The following RREB1 variants were observed in gnomAD, a reference collection of about 807,000 sequenced individuals.
RREB1 encodes ras-responsive element-binding protein 1.
A neutral mutation model predicts 117.8 loss-of-function variants in RREB1; 27 were observed. The observed-to-expected ratio is 0.23, with a 90% CI of 0.17 to 0.32. The LOEUF (loss-of-function observed/expected upper bound fraction) is 0.32. Among genes scored for constraint, RREB1 ranks in the 10% least tolerant of loss-of-function variants. The probability of loss-of-function intolerance (pLI) is 1.00; values close to 1 mark genes in which losing one functional copy is unlikely to be tolerated. For synonymous variants in RREB1, 1,298 were observed against 1,026.7 expected (o/e 1.26, Z -5.05); for missense variants, 2,577 against 2,378.2 (o/e 1.08, Z -1.74).
chr6:7,161,370 C>G (rs1319714461), intron 1 of RREB1, among the ~76,000 whole-genome samples: 5 of 152,162 alleles, frequency 3.3e-5, no homozygotes, highest in African/African-American at 1.2e-4. Context: ...CCCAGATCAC[C>G]TTTATTCCTG....
At chr6:7,133,868 A>T (rs1254560485) in intron 1 of RREB1, among the ~76,000 whole-genome samples, 1 of 152,208 alleles carries the variant, frequency 6.6e-6, no homozygotes, top group African/African-American at 2.4e-5. Flanking sequence ...TTCTATGGAT[A>T]TATACACATA....
chr6:7,147,359 A>T (rs762538354), intron 1 of RREB1, among the ~76,000 whole-genome samples: 26 of 152,228 alleles, frequency 1.7e-4, no homozygotes, highest in African/African-American at 5.5e-4. Flanking sequence ...GTGGTTCAGA[A>T]AAGAGGTCTT....
intron 10 of RREB1, among the ~76,000 whole-genome samples, chr6:7,234,579 A>G (rs1306515963): frequency 6.6e-6 from 1 of 152,200 alleles, no homozygotes; most frequent in Non-Finnish European, 1.5e-5. Context: ...GGTTTGTTTA[A>G]GTTAGGATGG....
Position 7,248,964 on chromosome 6 carries a change from A to G in RREB1, c.5225A>G (p.Glu1742Gly). 1 of 1,477,620 alleles carries G rather than the reference A, an allele frequency of 6.8e-7. No individual in the cohort carries two copies. Among genetic ancestry groups the G allele is most frequent in the Non-Finnish European group, 8.9e-7 (1 of 1,118,242 alleles). 91.5% of individuals were successfully genotyped at this position (1,477,620 alleles called of 1,614,324 possible). ...GGCGCCTCCCAGCTCGTGGGGATGG[A>G]GTGACAGCCTCAGTCCCCCTCAGCA... ...ADGASQLVGM[E>G] Residue 1742 changes from glutamate (E) to glycine (G), a missense_variant, in exon 13 of 13, where the codon GAG (glutamate) becomes GGG (glycine). Coordinates refer to ENST00000379938, the MANE Select transcript of RREB1 (RefSeq NM_001003699.4).
At chr6:7,188,972 C>G (rs1765252056) in intron 5 of RREB1, among the ~76,000 whole-genome samples, 187 bp from the exon 6 acceptor site, 1 of 152,140 alleles carries the variant, frequency 6.6e-6, no homozygotes, top group African/African-American at 2.4e-5. Context: ...GAATATCATA[C>G]AAAATATTTA....
chr6:7,121,459 A>G (rs1381052895), intron 1 of RREB1, among the ~76,000 whole-genome samples: 2 of 152,164 alleles, frequency 1.3e-5, no homozygotes, highest in East Asian at 3.8e-4. Flanking sequence ...AACCACATAA[A>G]GTACCTCAGT....
chr6:7,195,856 T>A (rs1336425171), intron 6 of RREB1, among the ~76,000 whole-genome samples: 4 of 152,250 alleles, frequency 2.6e-5, no homozygotes, highest in Non-Finnish European at 4.4e-5. Context: ...GCCAGTTTCA[T>A]CTGACATGGC....
At chr6:7,224,608 G>A (rs1313524915) in intron 8 of RREB1, among the ~76,000 whole-genome samples, 1 of 152,168 alleles carries the variant, frequency 6.6e-6, no homozygotes, top group African/African-American at 2.4e-5. Context: ...TGTGTGCACA[G>A]CTCAGAGCTT....
chr6:7,248,060 C>G (rs957221391), intron 12 of RREB1, among the ~76,000 whole-genome samples: 1 of 152,212 alleles, frequency 6.6e-6, no homozygotes, highest in East Asian at 1.9e-4. Flanking sequence ...TGCCCTGGGC[C>G]TGGCGTGTGA....
At chr6:7,188,507 G>A (rs1765225054) in intron 5 of RREB1, among the ~76,000 whole-genome samples, 1 of 151,946 alleles carries the variant, frequency 6.6e-6, no homozygotes, top group African/African-American at 2.4e-5. Flanking sequence ...CTCAGCTTGG[G>A]GTCTTTTTTT....
At chr6:7,162,128 G>A (rs1270351474) in intron 1 of RREB1, among the ~76,000 whole-genome samples, 1 of 151,928 alleles carries the variant, frequency 6.6e-6, no homozygotes, top group South Asian at 2.1e-4. Context: ...AGCTCCCAGG[G>A]GTTTTGTTTT....
In RREB1 at chr6:7,249,018, T is replaced by A. The variant is rs199624682; in HGVS notation, c.*50T>A. Reference sequence around the variant, plus strand: ...ACAAAAGCCAGCAGAGCAAAGCGTCTATACTTCATGGGGTTTCCTCAGTGC... The same window carrying A: ...ACAAAAGCCAGCAGAGCAAAGCGTCAATACTTCATGGGGTTTCCTCAGTGC... On this transcript the variant is annotated 3_prime_UTR_variant, in exon 13 of 13. Transcript: ENST00000379938. 38 of 1,391,480 alleles carry A rather than the reference T, an allele frequency of 2.7e-5. No individual in the cohort carries two copies. In the East Asian group the frequency reaches 9.3e-4, roughly 34 times the overall value. The allele number at this position is 1,391,480 out of a possible 1,614,324, so 86.2% of individuals were successfully genotyped here.
chr6:7,160,679 T>C (rs999016436), intron 1 of RREB1, among the ~76,000 whole-genome samples: 5 of 145,966 alleles, frequency 3.4e-5, no homozygotes, highest in Non-Finnish European at 7.7e-5. Flanking sequence ...CTGGATAACT[T>C]TTTTTTTTTC....
intron 8 of RREB1, among the ~76,000 whole-genome samples, chr6:7,224,348 A>T (rs983832465): frequency 1.3e-5 from 2 of 152,214 alleles, no homozygotes; most frequent in Non-Finnish European, 1.5e-5. Flanking sequence ...CATAACTAAA[A>T]AATTCAGTCA....
chr6:7,238,645 C>A (rs1379531149), intron 10 of RREB1, among the ~76,000 whole-genome samples: 1 of 151,972 alleles, frequency 6.6e-6, no homozygotes, highest in Non-Finnish European at 1.5e-5. Flanking sequence ...CAGAAAACAC[C>A]TGCAGAATGA....
At chr6:7,200,513 A>C (rs1765910968) in intron 6 of RREB1, among the ~76,000 whole-genome samples, 1 of 151,788 alleles carries the variant, frequency 6.6e-6, no homozygotes, top group Non-Finnish European at 1.5e-5. Flanking sequence ...AGGTGATCCG[A>C]CCACCTCAGC....
rs1184280840 is a variant in RREB1, at chr6:7,251,897, A to G, written c.*2929A>G. On this transcript the variant is annotated 3_prime_UTR_variant, in exon 13 of 13. Coordinates refer to ENST00000379938, the MANE Select transcript of RREB1 (RefSeq NM_001003699.4). ...TTTGTTCCTCTTTGTATTCAGTTGT[A>G]TAGAACTTCCAAATTCAGAATGAGA... 1 of 152,256 alleles carries G rather than the reference A, an allele frequency of 6.6e-6. No homozygotes were observed. The highest frequency in any genetic ancestry group is 1.5e-5 in the Non-Finnish European group (1 of 68,046). 9.4% of individuals were successfully genotyped at this position (152,256 alleles called of 1,614,324 possible).
intron 1 of RREB1, among the ~76,000 whole-genome samples, chr6:7,123,943 T>A (rs1169776767): frequency 6.6e-6 from 1 of 152,160 alleles, no homozygotes; most frequent in Non-Finnish European, 1.5e-5. Flanking sequence ...ATCTGTGATA[T>A]GTCCCTTCTT....
At chr6:7,117,935 G>C (rs1455130929) in intron 1 of RREB1, among the ~76,000 whole-genome samples, 1 of 151,678 alleles carries the variant, frequency 6.6e-6, no homozygotes, top group African/African-American at 2.4e-5. Context: ...GGAAGTTCTT[G>C]GTATTTTTTA....
Sources: allele counts gnomAD v4.1 joint callset (sites outside exome capture counted in the v4.1 genomes callset), GRCh38; gene constraint gnomAD v4.1.1; transcripts MANE v1.5; gene names NCBI Gene and HGNC (gene_info 2026-07-23, HGNC 2026-07-21).